The following RAD51B variants were observed in gnomAD, a reference collection of about 807,000 sequenced individuals.
RAD51B encodes the protein RAD51 paralog B, also known as DNA repair protein RAD51 homolog 2.
A neutral mutation model predicts 42.2 loss-of-function variants in RAD51B; 38 were observed. The ratio of observed to expected loss-of-function variants is 0.90; its 90% confidence interval spans 0.70 to 1.18. The LOEUF is 1.18. Ranked by LOEUF, RAD51B falls within the 50% of genes most tolerant of loss-of-function variation. RAD51B has a pLI of 0.00. For missense variants in RAD51B, 373 were observed against 400.7 expected (o/e 0.93, Z 0.59); for synonymous variants, 154 against 145.2 (o/e 1.06, Z -0.43).
chr14:67,979,021 C>T (rs1303820592), intron 7 of RAD51B, among the ~76,000 whole-genome samples: 1 of 152,138 alleles, frequency 6.6e-6, no homozygotes, highest in Non-Finnish European at 1.5e-5. Context: ...CTTCCATATG[C>T]TAAAAGCTAG....
At chr14:68,184,205 C>T (rs1040557619) in intron 7 of RAD51B, among the ~76,000 whole-genome samples, 8 of 151,886 alleles carry the variant, frequency 5.3e-5, no homozygotes, top group Non-Finnish European at 1.2e-4. Context: ...ATCACTTGAA[C>T]CCAAGAGTGC....
intron 10 of RAD51B, chr14:68,468,468 A>C (rs760163143): frequency 6.3e-6 from 4 of 633,050 alleles, no homozygotes; most frequent in Non-Finnish European, 1.2e-5. Flanking sequence ...GGAGACCTAC[A>C]GAATTTCCTA....
chr14:68,216,824 C>A (rs547942575), intron 7 of RAD51B, among the ~76,000 whole-genome samples: 1 of 152,240 alleles, frequency 6.6e-6, no homozygotes, highest in Non-Finnish European at 1.5e-5. Flanking sequence ...CCTCCATCAA[C>A]AGGGGTCAAG....
chr14:68,254,951 T>C (rs2080721335), intron 7 of RAD51B, among the ~76,000 whole-genome samples: 1 of 152,202 alleles, frequency 6.6e-6, no homozygotes, highest in Non-Finnish European at 1.5e-5. Context: ...TTTGATTCTT[T>C]CACTTCTGGA....
At chr14:68,497,605 G>A (rs1004567579) in intron 10 of RAD51B, 9 of 841,718 alleles carry the variant, frequency 1.1e-5, no homozygotes, top group Middle Eastern at 5.0e-4. Flanking sequence ...ATCATGATGT[G>A]CAACCAGCAT....
chr14:67,899,192 G>A (rs890830560), intron 7 of RAD51B, among the ~76,000 whole-genome samples: 2 of 151,254 alleles, frequency 1.3e-5, no homozygotes, highest in African/African-American at 2.4e-5. Context: ...ATAGGCACCC[G>A]CCACCACGCC....
At chr14:68,515,727 A>G (rs148081543) in intron 10 of RAD51B, among the ~76,000 whole-genome samples, 1 of 149,160 alleles carries the variant, frequency 6.7e-6, no homozygotes, top group Non-Finnish European at 1.5e-5. Flanking sequence ...GATTACAGGT[A>G]TGAGCCACCC....
At chr14:68,174,993 A>T (rs2078937184) in intron 7 of RAD51B, among the ~76,000 whole-genome samples, 1 of 152,188 alleles carries the variant, frequency 6.6e-6, no homozygotes, top group Admixed American at 6.5e-5. Context: ...ATGAGAAAGG[A>T]ACAGAATGTT....
intron 7 of RAD51B, among the ~76,000 whole-genome samples, chr14:68,035,745 G>A (rs960965427): frequency 1.3e-5 from 2 of 152,164 alleles, no homozygotes; most frequent in Non-Finnish European, 2.9e-5. Flanking sequence ...CGATAAAGAG[G>A]CCTGAAGACT....
At chr14:68,008,921 A>G (rs1290180371) in intron 7 of RAD51B, among the ~76,000 whole-genome samples, 2 of 151,940 alleles carry the variant, frequency 1.3e-5, no homozygotes, top group African/African-American at 4.8e-5. Flanking sequence ...GGCCGTGTAA[A>G]TAGTTTGCTG....
At chr14:68,282,515 T>C (rs943054616) in intron 7 of RAD51B, among the ~76,000 whole-genome samples, 1 of 152,216 alleles carries the variant, frequency 6.6e-6, no homozygotes, top group Admixed American at 6.5e-5. Flanking sequence ...TATATTGATG[T>C]CATTTCTTTA....
At chr14:68,015,539 T>G (rs1459524284) in intron 7 of RAD51B, among the ~76,000 whole-genome samples, 1 of 152,172 alleles carries the variant, frequency 6.6e-6, no homozygotes, top group Non-Finnish European at 1.5e-5. Flanking sequence ...ATGTCTTACA[T>G]GGCCGCAGAG....
At chr14:68,067,397 G>T (rs1314660913) in intron 7 of RAD51B, among the ~76,000 whole-genome samples, 1 of 150,780 alleles carries the variant, frequency 6.6e-6, no homozygotes, top group African/African-American at 2.4e-5. Flanking sequence ...CCAAGAGGTG[G>T]AGGTTGCAGT....
intron 10 of RAD51B, among the ~76,000 whole-genome samples, chr14:68,567,046 T>C (rs1033476739): frequency 6.6e-6 from 1 of 152,180 alleles, no homozygotes; most frequent in African/African-American, 2.4e-5. Context: ...ACGCCTATAA[T>C]CCCAGCACTT....
chr14:68,237,054 AATT>A, intron 7 of RAD51B, among the ~76,000 whole-genome samples: 1 of 152,292 alleles, frequency 6.6e-6, no homozygotes, highest in South Asian at 2.1e-4. Context: ...CTGCTATTTC[AATT>A]ATGTGAGCAG....
At position 68,539,821 on chromosome 14, in the gene RAD51B, G is replaced by A. The variant is rs150330706; in HGVS notation, c.1037-54664G>A. On this transcript the variant is annotated intron_variant, in intron 10 of 10. Transcript: ENST00000487270. ...AACTGATTTTCATTGTTTTAATTTT[G>A]GGGAAGGGGTGAGAAAGGAGGGACT... is the stretch of plus-strand genomic sequence containing the variant. Among the ~76,000 whole-genome samples the A allele has an allele frequency of 1.2e-4, 18 of 152,284 alleles. No individual in the cohort carries two copies. The East Asian group carries it at 3.5e-3, about 29-fold the overall frequency.
intron 5 of RAD51B, among the ~76,000 whole-genome samples, chr14:67,869,347 T>C (rs1159978040): frequency 2.0e-5 from 3 of 151,840 alleles, no homozygotes; most frequent in Admixed American, 1.3e-4. Flanking sequence ...CGATGGAAGA[T>C]GAAAGGAATG....
At chr14:68,496,318 C>T (rs749029451) in intron 10 of RAD51B, among the ~76,000 whole-genome samples, 2 of 152,218 alleles carry the variant, frequency 1.3e-5, no homozygotes, top group African/African-American at 4.8e-5. Flanking sequence ...CCCCGGCAGC[C>T]TCCTCTCCTC....
At chr14:68,198,440 A>G (rs1386034932) in intron 7 of RAD51B, among the ~76,000 whole-genome samples, 1 of 152,210 alleles carries the variant, frequency 6.6e-6, no homozygotes, top group Non-Finnish European at 1.5e-5. Flanking sequence ...TGCACTTCAT[A>G]TAAATTTTAG....
Sources: gnomAD v4.1 joint callset for allele counts (sites outside exome capture counted in the v4.1 genomes callset) on GRCh38, gnomAD v4.1.1 for gene constraint, MANE v1.5 for transcripts, NCBI Gene and HGNC (gene_info 2026-07-23, HGNC 2026-07-21) for gene names.